ZSWIM4: variants seen among roughly 807,000 people sequenced by gnomAD.
ZSWIM4 encodes zinc finger SWIM domain-containing protein 4.
ZSWIM4 carries 62 observed loss-of-function variants against 102.5 expected under a neutral mutation model. The ratio of observed to expected loss-of-function variants is 0.60; its 90% CI spans 0.49 to 0.75. The LOEUF is 0.75. Among genes scored for constraint, ZSWIM4 ranks in the 30% least tolerant of loss-of-function variants. ZSWIM4 has a pLI of 0.00. For synonymous variants in ZSWIM4, 652 were observed against 674.5 expected, an observed-to-expected ratio of 0.97 and a Z score of 0.52; for missense variants, 1,280 against 1,529.6, an observed-to-expected ratio of 0.84 and a Z score of 2.72.
chr19:13,812,926 G>A (rs1975146113), intron 5 of ZSWIM4, 71 bp from the exon 6 acceptor site: 1 of 1,495,806 alleles, frequency 6.7e-7, no homozygotes, highest in South Asian at 1.3e-5. Context: ...GTGGCACACA[G>A]TGGGCACTGC....
intron 7 of ZSWIM4, among the ~76,000 whole-genome samples, chr19:13,816,429 G>A (rs1262414136): frequency 6.6e-6 from 1 of 152,072 alleles, no homozygotes; most frequent in Non-Finnish European, 1.5e-5. Flanking sequence ...TTCAAAACCA[G>A]CCTGGCCAAC....
chr19:13,817,198 C>T lies in ZSWIM4; in HGVS notation c.1532-18C>T, dbSNP rs763905479. Reference sequence around the variant, plus strand: ...TGGGCAGGTGTGTGGGCATTGAGCCCCCTCTTTCCACCTGCAGAGCTGCTC... The same window carrying T: ...TGGGCAGGTGTGTGGGCATTGAGCCTCCTCTTTCCACCTGCAGAGCTGCTC... On this transcript the variant is annotated intron_variant, in intron 7 of 13. Transcript: ENST00000590508. The T allele has an allele frequency of 6.2e-7, 1 of 1,602,628 alleles. No homozygotes were observed. The highest frequency in any genetic ancestry group is 1.1e-5 in the South Asian group (1 of 90,416).
rs1192764766 is a variant in ZSWIM4, at chr19:13,813,693, G to T, written c.1180+529G>T. Among the ~76,000 whole-genome samples the T allele has an allele frequency of 1.1e-4, 17 of 152,066 alleles. 1 individual carries two copies. The South Asian group carries it at 3.5e-3, about 32-fold the overall frequency. Reference sequence around the variant, plus strand: ...CCCAGCACTTTGGGAAGCTGAGGGGGGCAGATTGCTTGAGGCCAGGAGTTC... The same window carrying T: ...CCCAGCACTTTGGGAAGCTGAGGGGTGCAGATTGCTTGAGGCCAGGAGTTC... On this transcript the variant is annotated intron_variant, in intron 6 of 13. Coordinates refer to ENST00000590508, the MANE Select transcript of ZSWIM4 (RefSeq NM_001367834.3).
At chr19:13,805,870 C>G (rs1974905508) in intron 3 of ZSWIM4, among the ~76,000 whole-genome samples, 2 of 150,646 alleles carry the variant, frequency 1.3e-5, no homozygotes, top group Admixed American at 1.3e-4. Context: ...ACTCAGGAAG[C>G]TGAGGTGGGA....
intron 13 of ZSWIM4, among the ~76,000 whole-genome samples, chr19:13,829,742 G>T (rs1488800531): frequency 6.6e-6 from 1 of 151,622 alleles, no homozygotes; most frequent in South Asian, 2.1e-4. Flanking sequence ...GGAGAATGGC[G>T]TGAACCCAGG....
intron 1 of ZSWIM4, among the ~76,000 whole-genome samples, chr19:13,798,288 A>G (rs1974663279): frequency 6.6e-6 from 1 of 151,926 alleles, no homozygotes; most frequent in Non-Finnish European, 1.5e-5. Context: ...CCAGACGCCC[A>G]CCACCACACC....
chr19:13,800,064 G>GTTTT, intron 2 of ZSWIM4, 143 bp downstream of exon 2: 1 of 417,194 alleles, frequency 2.4e-6, no homozygotes, highest in Non-Finnish European at 3.7e-6. Flanking sequence ...GATTGTACAA[G>GTTTT]ATTTTTTTTT....
Position 13,795,616 on chromosome 19 carries a change from G to A in ZSWIM4, c.-33G>A, listed in dbSNP as rs2145234587. 3 of 349,456 alleles carry A rather than the reference G, an allele frequency of 8.6e-6. No homozygotes were observed. In the South Asian group the frequency reaches 3.6e-4, roughly 42 times the overall value. 21.6% of individuals were successfully genotyped at this position (349,456 alleles called of 1,614,324 possible). On this transcript the variant is annotated 5_prime_UTR_variant, in exon 1 of 14. Coordinates refer to ENST00000590508, the MANE Select transcript of ZSWIM4 (RefSeq NM_001367834.3). ...GCATCGGACCGAGCCCCCCAAAGAG[G>A]CCCCGCCCCGGCCCTGGCCCCGGCC...
At position 13,814,692 on chromosome 19, in the gene ZSWIM4, C is replaced by A. The variant is rs1052762348; in HGVS notation, c.1358C>A (p.Pro453His). The A allele has an allele frequency of 4.7e-6, 6 of 1,285,450 alleles. No homozygotes were observed. Among genetic ancestry groups the A allele is most frequent in the Admixed American group, 2.3e-5 (1 of 43,278 alleles). 79.6% of individuals were successfully genotyped at this position (1,285,450 alleles called of 1,614,324 possible). A position where few individuals can be genotyped will look rare whatever the true frequency, so the allele number is the denominator to read the frequency against. Residue 453 changes from proline to histidine, a missense_variant, in exon 7 of 14, where the codon CCC (proline) becomes CAC (histidine). Transcript: ENST00000590508. ...GGTGGGGACAAACCGACTTTCGACCCCCAGGGCCGCCCACTGTGGCTGGGA... is the reference window on the plus strand; with the variant it reads ...GGTGGGGACAAACCGACTTTCGACCACCAGGGCCGCCCACTGTGGCTGGGA... ...SVGGDKPTFD[P>H]QGRPLWLGEP...
At chr19:13,807,186 G>T (rs1414742832) in intron 3 of ZSWIM4, among the ~76,000 whole-genome samples, 1 of 152,072 alleles carries the variant, frequency 6.6e-6, no homozygotes, top group African/African-American at 2.4e-5. Context: ...GATAAAAGGG[G>T]TGAGTGGGCA....
At chr19:13,798,492 A>G (rs1281741636) in intron 1 of ZSWIM4, among the ~76,000 whole-genome samples, 1 of 152,114 alleles carries the variant, frequency 6.6e-6, no homozygotes, top group Non-Finnish European at 1.5e-5. Context: ...CTGCTCCACC[A>G]AAGCCTGGTG....
In ZSWIM4 at chr19:13,799,917, A is replaced by G; in HGVS notation, c.351A>G (p.Gln117=). ...LQSGAVDRVL[Q]VGFHLSGNIR... is the part of the protein sequence containing the mutation. ...GCGGGGCCGTGGACCGCGTGTTGCA[A>G]GTGGGTGAGTCTTTGTCCCCCACTC... is the stretch of plus-strand genomic sequence containing the variant. The change falls in exon 2 of 14, where the codon CAA becomes CAG. Residue 117 remains glutamine, a synonymous_variant. Transcript: ENST00000590508. 6.2e-7 allele frequency: 1 copy of G among 1,609,686 alleles called. No individual in the cohort carries two copies. The highest frequency in any genetic ancestry group is 8.5e-7 in the Non-Finnish European group (1 of 1,179,614).
intron 6 of ZSWIM4, among the ~76,000 whole-genome samples, 189 bp from the exon 7 acceptor site, chr19:13,814,326 A>G (rs916775532): frequency 6.6e-6 from 1 of 152,048 alleles, no homozygotes; most frequent in Non-Finnish European, 1.5e-5. Context: ...TGGGATTACA[A>G]GTGTAAGCCA....
chr19:13,830,810 G>A lies in ZSWIM4; in HGVS notation c.3081G>A (p.Ala1027=), dbSNP rs1975745574. 2.5e-6 allele frequency: 4 copies of A among 1,604,726 alleles called. No individual in the cohort carries two copies. The highest frequency in any genetic ancestry group is 1.1e-5 in the South Asian group (1 of 90,322). Residue 1027 remains alanine, a synonymous_variant, in exon 14 of 14, where the codon GCG becomes GCA. Transcript: ENST00000590508. ...RAAKPLGADR[A]PLCQLLDAAV... is the part of the protein sequence containing the mutation. The stretch of plus-strand genomic sequence containing the variant: ...CCAAGCCACTGGGTGCCGACCGGGC[G>A]CCGCTCTGCCAGCTCCTGGACGCGG...
In ZSWIM4 at chr19:13,825,810, A is replaced by G; in HGVS notation, c.2379+97A>G. 2 of 1,441,526 alleles carry G rather than the reference A, an allele frequency of 1.4e-6. No individual in the cohort carries two copies. The highest frequency in any genetic ancestry group is 2.7e-5 in the South Asian group (2 of 73,230). The allele number at this position is 1,441,526 out of a possible 1,614,324, so 89.3% of individuals were successfully genotyped here. ...CCGGGGCATGGGCTGAGTGTGAGCC[A>G]CTTCGCTGGGGGCCCGGCATTTGCG... On this transcript the variant is annotated intron_variant, in intron 12 of 13. Coordinates refer to ENST00000590508, the MANE Select transcript of ZSWIM4 (RefSeq NM_001367834.3). The surrounding 1 kb of genome is among the most constrained non-coding windows in gnomAD (Gnocchi z 4.6).
At position 13,830,308 on chromosome 19, in the gene ZSWIM4, TGGAC is replaced by T; in HGVS notation, c.2580_2583del (p.Asp861HisfsTer20). The T allele has an allele frequency of 6.2e-7, 1 of 1,613,792 alleles. No homozygotes were observed. Among genetic ancestry groups the T allele is most frequent in the South Asian group, 1.1e-5 (1 of 91,088 alleles). ...CACGCCACTCTGCTGCGACTGCAGC[TGGAC>T]ACATCGCGGAGGGAGGAGCTCTGGG... is the stretch of plus-strand genomic sequence containing the variant. On this transcript the variant is annotated frameshift_variant, in exon 14 of 14. Transcript: ENST00000590508. LOFTEE classifies it high-confidence loss of function.
At position 13,825,444 on chromosome 19, in the gene ZSWIM4, C is replaced by T; in HGVS notation, c.2216-106C>T. Reference sequence around the variant, plus strand: ...CCCAGTACACATCCCTCCACACTCACACATGTGCCCCTGGGTGGAAGGATC... The same window carrying T: ...CCCAGTACACATCCCTCCACACTCATACATGTGCCCCTGGGTGGAAGGATC... On this transcript the variant is annotated intron_variant, in intron 11 of 13. Coordinates refer to ENST00000590508, the MANE Select transcript of ZSWIM4 (RefSeq NM_001367834.3). This position sits in a 1 kb window ranked among gnomAD's most constrained non-coding sequence, Gnocchi z 4.6. 7.3e-7 allele frequency: 1 copy of T among 1,362,816 alleles called. No individual in the cohort carries two copies. Among genetic ancestry groups the T allele is most frequent in the Non-Finnish European group, 1.0e-6 (1 of 977,426 alleles). The allele number at this position is 1,362,816 out of a possible 1,614,324, so 84.4% of individuals were successfully genotyped here.
Position 13,830,732 on chromosome 19 carries a change from C to A in ZSWIM4, c.3003C>A (p.Arg1001=), listed in dbSNP as rs757619341. 5.6e-6 allele frequency: 9 copies of A among 1,608,434 alleles called. No homozygotes were observed. In the Admixed American group the frequency reaches 1.5e-4, roughly 27 times the overall value. The stretch of plus-strand genomic sequence containing the variant: ...CCCCAATGCTGTCCGATATTCTGCG[C>A]CGCTGGACTCTCTCGGCGCCCGGTC... ...HCAPMLSDIL[R]RWTLSAPGLG... is the part of the protein sequence containing the mutation. Residue 1001 remains arginine (R), a synonymous_variant, in exon 14 of 14, where the codon CGC becomes CGA. Transcript: ENST00000590508.
intron 10 of ZSWIM4, among the ~76,000 whole-genome samples, chr19:13,820,851 C>G (rs1975442769): frequency 6.6e-6 from 1 of 151,210 alleles, no homozygotes; most frequent in Non-Finnish European, 1.5e-5. Flanking sequence ...TAGCCTTCCA[C>G]TCTAAGGACA....
Sources: allele counts gnomAD v4.1 joint callset (sites outside exome capture counted in the v4.1 genomes callset), GRCh38; gene constraint gnomAD v4.1.1; non-coding constraint Gnocchi (gnomAD v3.1); transcripts MANE v1.5; gene names NCBI Gene and HGNC (gene_info 2026-07-23, HGNC 2026-07-21).